Variants in PRKG1 observed in about 807,000 individuals in gnomAD.
PRKG1 encodes the protein cGMP-dependent protein kinase 1.
PRKG1 carries 35 observed loss-of-function variants against 88.1 expected under a neutral mutation model. That is an observed-to-expected ratio of 0.40 (90% CI 0.30 to 0.53). The LOEUF is 0.53. Among genes scored for constraint, PRKG1 ranks in the 20% least tolerant of loss-of-function variants. The probability of loss-of-function intolerance (pLI) is 0.59; values close to 1 mark genes in which losing one functional copy is unlikely to be tolerated. For missense variants in PRKG1, 540 were observed against 839.8 expected, an observed-to-expected ratio of 0.64 and a Z score of 4.41; for synonymous variants, 303 against 292.5, an observed-to-expected ratio of 1.04 and a Z score of -0.37.
chr10:51,332,423 T>C (rs922681568), intron 2 of PRKG1, among the ~76,000 whole-genome samples: 3 of 152,162 alleles, frequency 2.0e-5, no homozygotes, highest in East Asian at 1.9e-4. Context: ...AAAATCACAC[T>C]GAGGAAGGTG....
intron 9 of PRKG1, among the ~76,000 whole-genome samples, chr10:52,195,057 A>G (rs1314306942): frequency 3.3e-5 from 5 of 152,200 alleles, no homozygotes; most frequent in African/African-American, 1.2e-4. Flanking sequence ...ACTGAAATGA[A>G]TGTTTAGATG....
chr10:51,398,693 A>T (rs756125210), intron 2 of PRKG1, among the ~76,000 whole-genome samples: 14 of 152,216 alleles, frequency 9.2e-5, no homozygotes, highest in Non-Finnish European at 1.3e-4. Context: ...GTATCCACGA[A>T]GGTGTTTTTA....
chr10:52,131,434 C>T (rs889234224), intron 7 of PRKG1, among the ~76,000 whole-genome samples: 2 of 151,890 alleles, frequency 1.3e-5, no homozygotes, highest in African/African-American at 4.8e-5. Context: ...AGAAGAGGTA[C>T]GTAGGCTGGG....
chr10:51,294,443 T>C (rs913107898), intron 2 of PRKG1, among the ~76,000 whole-genome samples: 1 of 151,892 alleles, frequency 6.6e-6, no homozygotes, highest in Admixed American at 6.6e-5. Context: ...GGACATACTG[T>C]TTTCCCAACA....
chr10:51,529,650 AC>A (rs944789268), intron 3 of PRKG1, among the ~76,000 whole-genome samples: 1 of 150,328 alleles, frequency 6.7e-6, no homozygotes, highest in Non-Finnish European at 1.5e-5. Context: ...TTCTTTCCTG[AC>A]CCCCCTCACT....
intron 4 of PRKG1, among the ~76,000 whole-genome samples, chr10:51,823,891 T>C (rs1265442778): frequency 8.0e-5 from 7 of 87,140 alleles, no homozygotes; most frequent in Non-Finnish European, 1.4e-4. Context: ...TTTTTTTTTT[T>C]AAGACAAGAT....
At chr10:52,200,054 T>C (rs371625784) in intron 9 of PRKG1, among the ~76,000 whole-genome samples, 44 of 152,296 alleles carry the variant, frequency 2.9e-4, no homozygotes, top group African/African-American at 9.6e-4. Context: ...GTTTTTGTTA[T>C]ATTTTGTTTG....
At position 52,165,007 on chromosome 10, in the gene PRKG1, T is replaced by G. The variant is rs181722588; in HGVS notation, c.1076+3044T>G. Among the ~76,000 whole-genome samples the G allele has an allele frequency of 6.0e-3, 914 of 152,324 alleles. 8 individuals carry two copies. The highest frequency in any genetic ancestry group is 0.021 in the African/African-American group (873 of 41,586). ...TAAACCCAAATGAATGTATAGTCCA[T>G]GTTTTTTAATATTCATTATTATTTA... On this transcript the variant is annotated intron_variant, in intron 9 of 17. Transcript: ENST00000373980.
intron 4 of PRKG1, among the ~76,000 whole-genome samples, chr10:51,846,498 T>C (rs1052511201): frequency 6.6e-6 from 1 of 152,178 alleles, no homozygotes; most frequent in Non-Finnish European, 1.5e-5. Flanking sequence ...ACTAAATCTA[T>C]AATGCAACCA....
chr10:51,533,025 C>A (rs1308497038), intron 3 of PRKG1, among the ~76,000 whole-genome samples: 2 of 152,260 alleles, frequency 1.3e-5, no homozygotes, highest in South Asian at 2.1e-4. Context: ...GATGGAGAAC[C>A]TGACAGTTCC....
intron 9 of PRKG1, among the ~76,000 whole-genome samples, chr10:52,237,214 A>G (rs1268785521): frequency 7.0e-6 from 1 of 142,556 alleles, no homozygotes; most frequent in Non-Finnish European, 1.5e-5. Context: ...CCAATATCAT[A>G]CTGAATGGGC....
chr10:52,125,341 CCTGA>C (rs1490737314), intron 7 of PRKG1, among the ~76,000 whole-genome samples: 1 of 152,132 alleles, frequency 6.6e-6, no homozygotes, highest in African/African-American at 2.4e-5. Flanking sequence ...ACACATTTCT[CCTGA>C]CTGTTTATCT....
intron 3 of PRKG1, among the ~76,000 whole-genome samples, chr10:51,692,871 T>C (rs1242116283): frequency 6.6e-6 from 1 of 152,196 alleles, no homozygotes; most frequent in Non-Finnish European, 1.5e-5. Flanking sequence ...TTAATTATGA[T>C]TGAGAATGTT....
At chr10:52,043,466 A>G (rs1845794575) in intron 5 of PRKG1, among the ~76,000 whole-genome samples, 1 of 152,108 alleles carries the variant, frequency 6.6e-6, no homozygotes, top group African/African-American at 2.4e-5. Context: ...AAACATAAAA[A>G]GCTACATACT....
chr10:51,102,966 A>G (rs1844723182), intron 1 of PRKG1, among the ~76,000 whole-genome samples: 1 of 152,166 alleles, frequency 6.6e-6, no homozygotes, highest in African/African-American at 2.4e-5. Flanking sequence ...TAGTATATGA[A>G]TGGAACAAGA....
At chr10:52,238,864 A>T (rs1840765816) in intron 9 of PRKG1, among the ~76,000 whole-genome samples, 1 of 149,386 alleles carries the variant, frequency 6.7e-6, no homozygotes, top group South Asian at 2.2e-4. Context: ...ATAAAGACAC[A>T]TGCACACATA....
At chr10:51,650,449 G>A (rs181254532) in intron 3 of PRKG1, among the ~76,000 whole-genome samples, 22 of 152,180 alleles carry the variant, frequency 1.4e-4, no homozygotes, top group Admixed American at 1.1e-3. Flanking sequence ...TTGTATAACC[G>A]TTGACAAAAT....
chr10:52,022,672 T>C (rs1222138887), intron 5 of PRKG1, among the ~76,000 whole-genome samples: 1 of 152,124 alleles, frequency 6.6e-6, no homozygotes, highest in African/African-American at 2.4e-5. Context: ...CATCTGAAAA[T>C]AATATTTTTC....
chr10:51,155,019 T>C (rs1846171157), intron 2 of PRKG1, among the ~76,000 whole-genome samples: 1 of 152,046 alleles, frequency 6.6e-6, no homozygotes. Context: ...TCATATGATA[T>C]TATTTTTCAG....
Sources: allele counts gnomAD v4.1 joint callset (sites outside exome capture counted in the v4.1 genomes callset), GRCh38; gene constraint gnomAD v4.1.1; transcripts MANE v1.5; gene names NCBI Gene and HGNC (gene_info 2026-07-23, HGNC 2026-07-21).